SDK2: variants seen among roughly 807,000 people sequenced by gnomAD.
The protein encoded by SDK2 is protein sidekick-2.
A neutral mutation model predicts 253.9 loss-of-function variants in SDK2; 105 were observed. The ratio of observed to expected loss-of-function variants is 0.41; its 90% CI spans 0.35 to 0.49. SDK2 has a LOEUF of 0.49. SDK2 is among the 20% of genes least tolerant of loss of function. The pLI is 0.06. For missense variants in SDK2, 2,608 were observed against 3,003.0 expected, an observed-to-expected ratio of 0.87 and a Z score of 3.07; for synonymous variants, 1,249 against 1,234.9, an observed-to-expected ratio of 1.01 and a Z score of -0.24.
intron 38 of SDK2, among the ~76,000 whole-genome samples, chr17:73,364,653 G>A (rs2062668590): frequency 1.3e-5 from 2 of 152,086 alleles, no homozygotes; most frequent in Admixed American, 1.3e-4. Flanking sequence ...ATGGAATCTA[G>A]CTCTGTCGCC....
intron 1 of SDK2, chr17:73,518,888 C>T (rs1434762277): frequency 2.0e-5 from 3 of 152,156 alleles, no homozygotes; most frequent in African/African-American, 7.2e-5. Flanking sequence ...GACTTGAGAC[C>T]CCCTAGAAAT....
chr17:73,594,790 CCA>C (rs1220128011), intron 1 of SDK2, among the ~76,000 whole-genome samples: 3 of 151,828 alleles, frequency 2.0e-5, no homozygotes, highest in East Asian at 3.9e-4. Context: ...CAGCACATAT[CCA>C]CACACAAATA....
At position 73,368,426 on chromosome 17, in the gene SDK2, T is replaced by G; in HGVS notation, c.5148A>C (p.Gln1716His). The G allele has an allele frequency of 6.3e-7, 1 of 1,578,612 alleles. No homozygotes were observed. Among genetic ancestry groups the G allele is most frequent in the Non-Finnish European group, 8.6e-7 (1 of 1,162,710 alleles). ...AGDGPRSTPT[Q>H]GQTQQAAPSA... The stretch of plus-strand genomic sequence containing the variant: ...TCCCACCTGCTTGCTGGGTCTGGCC[T>G]TGGGTGGGGGTGCTCCGAGGCCCAT... The change falls in exon 37 of 45, where the codon CAA becomes CAC. Residue 1716 changes from glutamine (Q) to histidine (H), a missense_variant. Physicochemically the swap from Gln to His is conservative, Grantham distance 24. Around this residue, in one of 2 missense-constraint regions of SDK2, gnomAD observed 1,103 missense variants for 1,143.9 expected, o/e 0.96. Coordinates refer to ENST00000392650, the MANE Select transcript of SDK2 (RefSeq NM_001144952.2).
At chr17:73,568,854 G>A (rs1192455718) in intron 1 of SDK2, among the ~76,000 whole-genome samples, 1 of 152,190 alleles carries the variant, frequency 6.6e-6, no homozygotes, top group East Asian at 1.9e-4. Context: ...CCGCTGGACA[G>A]CAGGGCCCAC....
chr17:73,413,118 A>G (rs1166104084), intron 18 of SDK2, among the ~76,000 whole-genome samples: 1 of 152,152 alleles, frequency 6.6e-6, no homozygotes, highest in South Asian at 2.1e-4. Context: ...GTGAAGCTTC[A>G]TCTGTACTTA....
At chr17:73,624,023 C>G (rs1248039813) in intron 1 of SDK2, among the ~76,000 whole-genome samples, 1 of 152,240 alleles carries the variant, frequency 6.6e-6, no homozygotes, top group Non-Finnish European at 1.5e-5. Flanking sequence ...GCCGCTCAGC[C>G]TGCTGGGCCT....
intron 8 of SDK2, among the ~76,000 whole-genome samples, chr17:73,436,576 C>CAA (rs56089526): frequency 0.04 from 1,536 of 38,726 alleles, 156 homozygotes; most frequent in African/African-American, 0.15. Context: ...GACTCAGTCT[C>CAA]AAAAAAAAAA....
At chr17:73,368,333 G>A (rs1251621642) in intron 37 of SDK2, 74 bp downstream of exon 37, 180 of 1,299,224 alleles carry the variant, frequency 1.4e-4, no homozygotes, top group Admixed American at 3.9e-4. Flanking sequence ...CCAAGAGCCC[G>A]GATGCCAGGT....
chr17:73,548,243 G>A (rs1254344861), intron 1 of SDK2, among the ~76,000 whole-genome samples: 1 of 152,214 alleles, frequency 6.6e-6, no homozygotes, highest in Non-Finnish European at 1.5e-5. Context: ...GGCAGTGGTG[G>A]CATTCAATCT....
chr17:73,512,954 A>G (rs1378661618), intron 1 of SDK2, among the ~76,000 whole-genome samples: 1 of 152,226 alleles, frequency 6.6e-6, no homozygotes, highest in Admixed American at 6.5e-5. Context: ...CTCAAAATAA[A>G]TGCTGGATGG....
intron 3 of SDK2, among the ~76,000 whole-genome samples, chr17:73,461,087 C>T (rs1350642812): frequency 6.6e-6 from 1 of 152,242 alleles, no homozygotes; most frequent in East Asian, 1.9e-4. Flanking sequence ...GAGTCGCATC[C>T]TGCATTGCAA....
chr17:73,457,375 T>C (rs1360961706), intron 3 of SDK2, among the ~76,000 whole-genome samples: 1 of 143,972 alleles, frequency 6.9e-6, no homozygotes, highest in Admixed American at 7.0e-5. Context: ...TTCATCTCAC[T>C]CTGTAACCCA....
intron 1 of SDK2, among the ~76,000 whole-genome samples, chr17:73,537,112 C>T (rs1599659018): frequency 1.3e-5 from 2 of 152,132 alleles, no homozygotes; most frequent in African/African-American, 2.4e-5. Flanking sequence ...CATGTGCGTG[C>T]GTGCGTGTGC....
intron 1 of SDK2, among the ~76,000 whole-genome samples, chr17:73,509,729 C>G (rs1358946945): frequency 6.7e-6 from 1 of 149,590 alleles, no homozygotes; most frequent in African/African-American, 2.5e-5. Flanking sequence ...GAAATCCCAT[C>G]TCTACGAAAA....
At chr17:73,375,695 A>C (rs1338532827) in intron 36 of SDK2, among the ~76,000 whole-genome samples, 9 of 151,996 alleles carry the variant, frequency 5.9e-5, no homozygotes, top group African/African-American at 2.2e-4. Context: ...GTCTCTACTA[A>C]AAATACAAAA....
In SDK2 at chr17:73,379,925, G is replaced by A. The variant is rs1403977800; in HGVS notation, c.4763-376C>T. On this transcript the variant is annotated intron_variant, in intron 34 of 44. Coordinates refer to ENST00000392650, the MANE Select transcript of SDK2 (RefSeq NM_001144952.2). The surrounding 1 kb of genome is among the most constrained non-coding windows in gnomAD (Gnocchi z 4.5). ...CCCCAGCCTGTCCTCTTTCCCCACC[G>A]TGACAGATGCCCAGAGTCCCCATCC... Among the ~76,000 whole-genome samples the A allele has an allele frequency of 6.6e-6, 1 of 152,038 alleles. No individual in the cohort carries two copies. The highest frequency in any genetic ancestry group is 2.1e-4 in the South Asian group (1 of 4,806).
chr17:73,397,383 C>T (rs536017729), intron 24 of SDK2, among the ~76,000 whole-genome samples: 2 of 152,252 alleles, frequency 1.3e-5, no homozygotes, highest in Admixed American at 6.5e-5. Context: ...AAAGATTCCC[C>T]GGGTTGGGAC....
At chr17:73,636,689 AAAAAAAAAAAAAAAAAAG>A (rs2046335053) in intron 1 of SDK2, among the ~76,000 whole-genome samples, 1 of 147,412 alleles carries the variant, frequency 6.8e-6, no homozygotes, top group South Asian at 2.2e-4. Flanking sequence ...TCAAAAAAAA[AAAAAAAAAAAAAAAAAAG>A]AAAAGAAAAG....
At position 73,498,185 on chromosome 17, in the gene SDK2, G is replaced by A. The variant is rs916787754; in HGVS notation, c.224+9253C>T. Among the ~76,000 whole-genome samples, 3 of 152,216 alleles carry A rather than the reference G, an allele frequency of 2.0e-5. No homozygotes were observed. In the East Asian group the frequency reaches 5.8e-4, roughly 29 times the overall value. On this transcript the variant is annotated intron_variant, in intron 2 of 44. Transcript: ENST00000392650. ...TATCTGGTCACAACCGGCACCCATT[G>A]TAGTAACCCAGGGATGCTGGCGTCT...
Sources: gnomAD v4.1 joint callset for allele counts (sites outside exome capture counted in the v4.1 genomes callset) on GRCh38, gnomAD v4.1.1 for gene constraint, gnomAD v4.1.1 regional missense constraint, Gnocchi (gnomAD v3.1) non-coding constraint, MANE v1.5 for transcripts, NCBI Gene and HGNC (gene_info 2026-07-23, HGNC 2026-07-21) for gene names.